The following DENND5A variants were observed in gnomAD, a reference collection of about 807,000 sequenced individuals.
DENND5A encodes DENN domain containing 5A.
In DENND5A, 64 loss-of-function variants were observed where a neutral mutation model predicts 140.3. The observed-to-expected ratio is 0.46, with a 90% CI of 0.37 to 0.56. DENND5A has a LOEUF of 0.56. Ranked by LOEUF, DENND5A falls within the 20% of genes least tolerant of loss-of-function variation. The pLI, the probability that DENND5A is intolerant of heterozygous loss-of-function variation, is 0.00. For synonymous variants in DENND5A, 605 were observed against 607.7 expected, an observed-to-expected ratio of 1.00 and a Z score of 0.07; for missense variants, 1,292 against 1,593.8, an observed-to-expected ratio of 0.81 and a Z score of 3.22.
At chr11:9,256,520 T>C (rs1851953593) in intron 1 of DENND5A, among the ~76,000 whole-genome samples, 1 of 151,904 alleles carries the variant, frequency 6.6e-6, no homozygotes, top group Non-Finnish European at 1.5e-5. Context: ...ACAAATAAAA[T>C]GTTGTATATT....
chr11:9,191,137 G>A (rs1326384626), intron 5 of DENND5A, among the ~76,000 whole-genome samples: 1 of 152,078 alleles, frequency 6.6e-6, no homozygotes. Context: ...CAGATACAAA[G>A]TTTATAGCAG....
At chr11:9,206,856 T>C (rs1384276863) in intron 2 of DENND5A, 74 bp from the exon 3 acceptor site, 3 of 1,109,626 alleles carry the variant, frequency 2.7e-6, no homozygotes, top group Non-Finnish European at 4.1e-6. Flanking sequence ...TGTCTGAGCT[T>C]GGTAGTCCAG....
intron 4 of DENND5A, among the ~76,000 whole-genome samples, chr11:9,202,369 G>A (rs796291241): frequency 3.7e-4 from 56 of 152,238 alleles, no homozygotes; most frequent in African/African-American, 1.3e-3. Flanking sequence ...TTAAGAGAAT[G>A]TTTTTATTCT....
chr11:9,213,538 T>G (rs1296140844), intron 1 of DENND5A, among the ~76,000 whole-genome samples: 7 of 151,332 alleles, frequency 4.6e-5, no homozygotes, highest in Non-Finnish European at 1.0e-4. Flanking sequence ...CAGGGTACGG[T>G]GGCTCACACC....
At chr11:9,167,169 G>A (rs1243624228) in intron 10 of DENND5A, among the ~76,000 whole-genome samples, 1 of 152,068 alleles carries the variant, frequency 6.6e-6, no homozygotes, top group Non-Finnish European at 1.5e-5. Context: ...CTCTCAGTAG[G>A]TTCATAACCA....
At chr11:9,225,824 C>T (rs1850508242) in intron 1 of DENND5A, among the ~76,000 whole-genome samples, 1 of 151,902 alleles carries the variant, frequency 6.6e-6, no homozygotes, top group Admixed American at 6.6e-5. Context: ...GTGGTTCATG[C>T]CTGTAATCCC....
chr11:9,170,718 G>A lies in DENND5A; in HGVS notation c.1966C>T (p.Leu656Phe). 1 of 1,613,810 alleles carries A rather than the reference G, an allele frequency of 6.2e-7. No individual in the cohort carries two copies. The highest frequency in any genetic ancestry group is 8.5e-7 in the Non-Finnish European group (1 of 1,179,970). ...IDHTAIHPHL[L>F]DMKIGQGKYE... ...TTCCCTTGTCCAATCTTCATGTCAA[G>A]TAAATGTGGGTGAATTGCAGTATGG... The change falls in exon 9 of 23, where the codon CTT becomes TTT. Residue 656 changes from leucine (L) to phenylalanine (F), a missense_variant. Leu to Phe is a conservative substitution (Grantham distance 22). Transcript: ENST00000328194.
At chr11:9,186,950 G>A (rs781512781) in intron 5 of DENND5A, among the ~76,000 whole-genome samples, 11 of 152,082 alleles carry the variant, frequency 7.2e-5, no homozygotes, top group African/African-American at 2.4e-4. Context: ...CAGGCATTGC[G>A]GTGTGTGCCT....
In DENND5A at chr11:9,214,393, C is replaced by G. The variant is rs141994064; in HGVS notation, c.110-6761G>C. 5.8e-3 allele frequency among the ~76,000 whole-genome samples: 887 copies of G among 152,264 alleles called. 6 individuals are homozygous for G. The highest frequency in any genetic ancestry group is 9.5e-3 in the Non-Finnish European group (649 of 68,018). On this transcript the variant is annotated intron_variant, in intron 1 of 22. Transcript: ENST00000328194. ...ACATTTCTAATTAAATGAGAATTAA[C>G]CTTATCATTACTTTTATTAATAGAT...
intron 1 of DENND5A, among the ~76,000 whole-genome samples, chr11:9,239,764 C>T (rs762802824): frequency 1.1e-4 from 16 of 152,110 alleles, no homozygotes; most frequent in Non-Finnish European, 1.9e-4. Flanking sequence ...GCCTGGCCAA[C>T]GTTTTATTTT....
At chr11:9,251,756 G>A (rs1214345364) in intron 1 of DENND5A, among the ~76,000 whole-genome samples, 5 of 152,094 alleles carry the variant, frequency 3.3e-5, no homozygotes, top group East Asian at 1.9e-4. Context: ...TTGGGAGGCC[G>A]AGGCGGGCGG....
At chr11:9,182,981 A>G (rs1457205690) in intron 5 of DENND5A, among the ~76,000 whole-genome samples, 4 of 152,226 alleles carry the variant, frequency 2.6e-5, no homozygotes, top group Admixed American at 2.6e-4. Context: ...TGATCATTAC[A>G]TACACCCCCA....
At chr11:9,150,268 A>G in intron 14 of DENND5A, 59 bp from the exon 15 acceptor site, 2 of 1,588,434 alleles carry the variant, frequency 1.3e-6, no homozygotes, top group South Asian at 1.1e-5. Context: ...CTCACTGCCA[A>G]TAACTTACCT....
At chr11:9,228,761 G>A (rs1026642371) in intron 1 of DENND5A, among the ~76,000 whole-genome samples, 19 of 151,966 alleles carry the variant, frequency 1.3e-4, no homozygotes, top group Middle Eastern at 3.4e-3. Flanking sequence ...GGGACCTTCT[G>A]GGTTGATGAA....
chr11:9,237,910 C>G (rs1455420710), intron 1 of DENND5A, among the ~76,000 whole-genome samples: 3 of 152,028 alleles, frequency 2.0e-5, no homozygotes, highest in African/African-American at 7.2e-5. Flanking sequence ...CTTGGATTCA[C>G]CAAAGTCCAG....
chr11:9,164,071 T>G (rs1409335179), intron 11 of DENND5A, among the ~76,000 whole-genome samples: 20 of 136,146 alleles, frequency 1.5e-4, no homozygotes, highest in Admixed American at 3.9e-4. Context: ...TTTTTTTTTT[T>G]TTTTTTTTTT....
At chr11:9,172,855 G>A (rs193049496) in intron 8 of DENND5A, among the ~76,000 whole-genome samples, 57 of 151,972 alleles carry the variant, frequency 3.8e-4, no homozygotes, top group Admixed American at 1.8e-3. Context: ...TCATTCTGTC[G>A]CCCGGGCTAG....
intron 1 of DENND5A, among the ~76,000 whole-genome samples, chr11:9,221,976 C>T (rs999873914): frequency 6.6e-6 from 1 of 150,976 alleles, no homozygotes; most frequent in African/African-American, 2.4e-5. Flanking sequence ...CCAGGATGGT[C>T]TTGATCTCCT....
At chr11:9,142,365 G>C (rs376548123) in intron 21 of DENND5A, among the ~76,000 whole-genome samples, 1 of 152,184 alleles carries the variant, frequency 6.6e-6, no homozygotes, top group African/African-American at 2.4e-5. Context: ...TCTGAGGATG[G>C]TTTCTTGCAT....
Sources: gnomAD v4.1 joint callset for allele counts (sites outside exome capture counted in the v4.1 genomes callset) on GRCh38, gnomAD v4.1.1 for gene constraint, MANE v1.5 for transcripts, NCBI Gene and HGNC (gene_info 2026-07-23, HGNC 2026-07-21) for gene names.